Variants in MARCHF1 observed in about 807,000 individuals in gnomAD.
The protein encoded by MARCHF1 is E3 ubiquitin-protein ligase MARCHF1.
A neutral mutation model predicts 54.2 loss-of-function variants in MARCHF1; 40 were observed. The observed-to-expected ratio is 0.74, with a 90% CI of 0.57 to 0.96. The LOEUF (loss-of-function observed/expected upper bound fraction) is 0.96, where lower values mean the gene tolerates loss of function less well. Among genes scored for constraint, MARCHF1 ranks in the 40% least tolerant of loss-of-function variants. The pLI is 0.00. For missense variants in MARCHF1, 586 were observed against 656.5 expected, an observed-to-expected ratio of 0.89 and a Z score of 1.17; for synonymous variants, 236 against 236.3, an observed-to-expected ratio of 1.00 and a Z score of 0.01.
At chr4:163,610,069 T>C (rs1210540183) in intron 7 of MARCHF1, among the ~76,000 whole-genome samples, 1 of 152,056 alleles carries the variant, frequency 6.6e-6, no homozygotes, top group Non-Finnish European at 1.5e-5. Flanking sequence ...AGTTCTAACG[T>C]AAATTCTATT....
intron 1 of MARCHF1, among the ~76,000 whole-genome samples, chr4:164,260,275 C>T (rs563021203): frequency 6.6e-6 from 1 of 152,106 alleles, no homozygotes; most frequent in South Asian, 2.1e-4. Context: ...TATTTTTAAC[C>T]TTATAAACCT....
intron 4 of MARCHF1, among the ~76,000 whole-genome samples, chr4:163,725,376 G>A (rs1745619715): frequency 6.6e-6 from 1 of 151,966 alleles, no homozygotes; most frequent in African/African-American, 2.4e-5. Flanking sequence ...TACTCAGGAG[G>A]CTAAGGTGGG....
At chr4:164,157,462 G>T (rs919788389) in intron 1 of MARCHF1, among the ~76,000 whole-genome samples, 16 of 152,240 alleles carry the variant, frequency 1.1e-4, no homozygotes, top group Non-Finnish European at 2.1e-4. Flanking sequence ...TTATTACTTT[G>T]CATATTGTAT....
chr4:163,615,032 C>A (rs1194715736), intron 5 of MARCHF1, among the ~76,000 whole-genome samples: 1 of 151,932 alleles, frequency 6.6e-6, no homozygotes, highest in African/African-American at 2.4e-5. Context: ...TGATTTTAGC[C>A]CAGTGGGATC....
chr4:163,838,438 G>A (rs1221750800), intron 4 of MARCHF1, among the ~76,000 whole-genome samples: 1 of 152,020 alleles, frequency 6.6e-6, no homozygotes. Context: ...AACATTGGTT[G>A]AATCCATGAA....
chr4:163,942,405 A>C (rs916239307), intron 3 of MARCHF1, among the ~76,000 whole-genome samples: 2 of 152,182 alleles, frequency 1.3e-5, no homozygotes, highest in Non-Finnish European at 2.9e-5. Context: ...CATGATGATA[A>C]GGAGAATTGT....
chr4:163,788,746 C>T (rs1351337186), intron 4 of MARCHF1, among the ~76,000 whole-genome samples: 2 of 151,958 alleles, frequency 1.3e-5, no homozygotes, highest in African/African-American at 4.8e-5. Flanking sequence ...GGTAAGGTGG[C>T]ATCTGACAGC....
chr4:163,652,137 G>C (rs1309653235), intron 5 of MARCHF1, among the ~76,000 whole-genome samples: 1 of 151,718 alleles, frequency 6.6e-6, no homozygotes, highest in Non-Finnish European at 1.5e-5. Flanking sequence ...ATCTAGGAAG[G>C]CTTCTCTGAG....
chr4:163,710,100 T>C (rs1745063171), intron 4 of MARCHF1, among the ~76,000 whole-genome samples: 1 of 152,128 alleles, frequency 6.6e-6, no homozygotes, highest in Non-Finnish European at 1.5e-5. Flanking sequence ...CTAATCTCTT[T>C]ATCTAACTTC....
At chr4:164,252,790 T>C (rs1401857593) in intron 1 of MARCHF1, among the ~76,000 whole-genome samples, 1 of 152,086 alleles carries the variant, frequency 6.6e-6, no homozygotes, top group African/African-American at 2.4e-5. Flanking sequence ...TGATTATAAA[T>C]AAAAATGTAA....
At chr4:163,568,585 G>T (rs1739727133) in intron 8 of MARCHF1, among the ~76,000 whole-genome samples, 1 of 152,172 alleles carries the variant, frequency 6.6e-6, no homozygotes, top group East Asian at 1.9e-4. Context: ...ATACCTTTAT[G>T]ACAATGAAAT....
At chr4:164,060,277 G>A (rs1308736495) in intron 2 of MARCHF1, among the ~76,000 whole-genome samples, 1 of 151,990 alleles carries the variant, frequency 6.6e-6, no homozygotes, top group Non-Finnish European at 1.5e-5. Flanking sequence ...CTGAGTACAG[G>A]CTACAGAAAC....
chr4:164,046,190 C>A (rs1453144011), intron 2 of MARCHF1, among the ~76,000 whole-genome samples: 1 of 152,196 alleles, frequency 6.6e-6, no homozygotes, highest in Non-Finnish European at 1.5e-5. Flanking sequence ...GGTAATGGGC[C>A]TTTGCCCAAG....
intron 5 of MARCHF1, among the ~76,000 whole-genome samples, chr4:163,667,802 A>ATT (rs1009545979): frequency 6.6e-6 from 1 of 151,700 alleles, no homozygotes; most frequent in African/African-American, 2.4e-5. Context: ...ATTTTTTGTA[A>ATT]TTTTAGTAGA....
intron 9 of MARCHF1, among the ~76,000 whole-genome samples, chr4:163,544,380 C>T (rs1738822760): frequency 6.6e-6 from 1 of 152,132 alleles, no homozygotes; most frequent in African/African-American, 2.4e-5. Context: ...GTTTTTCTAG[C>T]ATTTAGACTC....
intron 1 of MARCHF1, among the ~76,000 whole-genome samples, chr4:164,167,059 T>G (rs183253393): frequency 6.6e-4 from 100 of 151,816 alleles, no homozygotes; most frequent in Admixed American, 2.2e-3. Context: ...AATAAGTGTT[T>G]TCTGAGCCTG....
At chr4:164,149,099 T>G (rs1729856951) in intron 1 of MARCHF1, among the ~76,000 whole-genome samples, 1 of 152,170 alleles carries the variant, frequency 6.6e-6, no homozygotes, top group African/African-American at 2.4e-5. Flanking sequence ...TTAAAGAACT[T>G]GGCATCTCCC....
intron 5 of MARCHF1, among the ~76,000 whole-genome samples, chr4:163,698,221 T>A: frequency 6.6e-6 from 1 of 152,138 alleles, no homozygotes; most frequent in Admixed American, 6.6e-5. Context: ...TTGACAAAAT[T>A]AAGGAAAAAA....
chr4:164,357,636 T>A (rs980459180), intron 1 of MARCHF1, among the ~76,000 whole-genome samples: 1 of 152,178 alleles, frequency 6.6e-6, no homozygotes, highest in Non-Finnish European at 1.5e-5. Context: ...TGCAATTAAA[T>A]ACACTTAAGA....
Sources: allele counts gnomAD v4.1 joint callset (sites outside exome capture counted in the v4.1 genomes callset), GRCh38; gene constraint gnomAD v4.1.1; transcripts MANE v1.5; gene names NCBI Gene and HGNC (gene_info 2026-07-23, HGNC 2026-07-21).